The following SLC24A2 variants were observed in gnomAD, a reference collection of about 807,000 sequenced individuals.
SLC24A2 encodes the protein sodium/potassium/calcium exchanger 2.
Under a neutral mutation model 62.0 loss-of-function variants are expected in SLC24A2, and 36 were observed. The observed-to-expected ratio is 0.58, with a 90% CI of 0.44 to 0.77. The LOEUF (loss-of-function observed/expected upper bound fraction) is 0.77, where lower values mean the gene tolerates loss of function less well. Ranked by LOEUF, SLC24A2 falls within the 30% of genes least tolerant of loss-of-function variation. SLC24A2 has a pLI of 0.00. For missense variants in SLC24A2, 846 were observed against 817.9 expected (o/e 1.03, Z -0.42); for synonymous variants, 358 against 294.0 (o/e 1.22, Z -2.23).
At chr9:20,285,427 G>C in the SLC24A2 span, among the ~76,000 whole-genome samples, 2 of 152,334 alleles carry the variant, frequency 1.3e-5, no homozygotes, top group South Asian at 2.1e-4. Flanking sequence ...TGAAGGCCTA[G>C]AACCAGGATG....
intron 7 of SLC24A2, among the ~76,000 whole-genome samples, chr9:19,570,997 G>A (rs1029449261): frequency 2.0e-5 from 3 of 152,220 alleles, no homozygotes; most frequent in African/African-American, 7.2e-5. Context: ...TCTGCTCAGA[G>A]AGGGGTCATC....
intron 2 of SLC24A2, among the ~76,000 whole-genome samples, chr9:19,752,498 A>G (rs1822013960): frequency 8.3e-6 from 1 of 119,808 alleles, no homozygotes; most frequent in Non-Finnish European, 2.0e-5. Context: ...GCCATTTAAC[A>G]CAGACCATGC....
At chr9:19,562,021 T>C (rs1050582696) in intron 7 of SLC24A2, among the ~76,000 whole-genome samples, 28 of 152,200 alleles carry the variant, frequency 1.8e-4, no homozygotes, top group Non-Finnish European at 8.8e-5. Flanking sequence ...CATTCTGTAA[T>C]CCTGCAAAAT....
At position 19,563,796 on chromosome 9, in the gene SLC24A2, CCCTT is replaced by C. The variant is rs1181236935; in HGVS notation, c.1347+9551_1347+9554del. Among the ~76,000 whole-genome samples the C allele has an allele frequency of 4.1e-4, 25 of 60,812 alleles. 1 individual carries two copies. The highest frequency in any genetic ancestry group is 1.3e-3 in the African/African-American group (22 of 16,306). 39.9% of individuals were successfully genotyped at this position (60,812 alleles called of 152,430 possible). On this transcript the variant is annotated intron_variant, in intron 7 of 10. Transcript: ENST00000341998. Reference sequence around the variant, plus strand: ...ACAAAACTGTTGGTTTTTATAATGACCCTTCCTTCCTTCCTTCCTTCCTTCCTTC... The same window carrying C: ...ACAAAACTGTTGGTTTTTATAATGACCCTTCCTTCCTTCCTTCCTTCCTTC...
At chr9:19,839,061 C>A in the SLC24A2 span, among the ~76,000 whole-genome samples, 1 of 152,026 alleles carries the variant, frequency 6.6e-6, no homozygotes, top group African/African-American at 2.4e-5. Context: ...ACAAACAACA[C>A]CATCAAAAAG....
chr9:19,610,200 T>G (rs1341784434), intron 4 of SLC24A2, among the ~76,000 whole-genome samples: 1 of 150,926 alleles, frequency 6.6e-6, no homozygotes, highest in Admixed American at 6.6e-5. Flanking sequence ...AATGAAAATT[T>G]GAATCTACAC....
chr9:19,884,575 A>C, the SLC24A2 span, among the ~76,000 whole-genome samples: 1 of 152,204 alleles, frequency 6.6e-6, no homozygotes, highest in African/African-American at 2.4e-5. Flanking sequence ...ATATATGTAT[A>C]TATATTCCTA....
rs1409676959 is a variant in SLC24A2, at chr9:19,507,789, C to G, written c.*8364G>C. On this transcript the variant is annotated 3_prime_UTR_variant, in exon 11 of 11. Coordinates refer to ENST00000341998, the MANE Select transcript of SLC24A2 (RefSeq NM_020344.4). The stretch of plus-strand genomic sequence containing the variant: ...TGACAGAAGTAATTTGGAAGTGCAT[C>G]CACTGGATTTTTGTAGGGATGAGGA... The G allele has an allele frequency of 6.6e-6, 1 of 152,180 alleles. No individual in the cohort carries two copies. The highest frequency in any genetic ancestry group is 1.5e-5 in the Non-Finnish European group (1 of 68,032). The allele number at this position is 152,180 out of a possible 1,614,324, so 9.4% of individuals were successfully genotyped here. A position where few individuals can be genotyped will look rare whatever the true frequency, so the allele number is the denominator to read the frequency against.
Position 19,706,192 on chromosome 9 carries a change from C to A in SLC24A2, c.930+79745G>T, listed in dbSNP as rs1311410911. On this transcript the variant is annotated intron_variant, in intron 2 of 10. Transcript: ENST00000341998. ...GATCCCTTTACCATTATGTAATGGCCTTCTTTGTCTCTTTTGATCTTTGTT... is the reference window on the plus strand; with the variant it reads ...GATCCCTTTACCATTATGTAATGGCATTCTTTGTCTCTTTTGATCTTTGTT... Among the ~76,000 whole-genome samples, 9 of 151,324 alleles carry A rather than the reference C, an allele frequency of 5.9e-5. No homozygotes were observed. The East Asian group carries it at 1.5e-3, about 26-fold the overall frequency.
chr9:20,174,542 A>T, the SLC24A2 span, among the ~76,000 whole-genome samples: 1 of 152,098 alleles, frequency 6.6e-6, no homozygotes. Flanking sequence ...TGGGCTAAGG[A>T]CATGAATAGA....
At chr9:20,130,612 T>A in the SLC24A2 span, among the ~76,000 whole-genome samples, 3 of 151,842 alleles carry the variant, frequency 2.0e-5, no homozygotes, top group Admixed American at 2.0e-4. Context: ...AAATAGGAAA[T>A]GGGAAATGAA....
the SLC24A2 span, among the ~76,000 whole-genome samples, chr9:19,907,630 C>T: frequency 6.6e-6 from 1 of 152,212 alleles, no homozygotes; most frequent in African/African-American, 2.4e-5. Flanking sequence ...TCAGCAAAGT[C>T]TCAGGATACA....
intron 4 of SLC24A2, among the ~76,000 whole-genome samples, chr9:19,614,249 C>A (rs1774340178): frequency 6.6e-6 from 1 of 152,150 alleles, no homozygotes; most frequent in Admixed American, 6.5e-5. Context: ...TTCTAGTTCC[C>A]CAAGGTTTTC....
At chr9:20,039,998 G>A in the SLC24A2 span, among the ~76,000 whole-genome samples, 1 of 152,206 alleles carries the variant, frequency 6.6e-6, no homozygotes, top group African/African-American at 2.4e-5. Context: ...CTGTGTCATT[G>A]GGTGAGTAAC....
chr9:19,552,716 CAT>C lies in SLC24A2; in HGVS notation c.1348-2450_1348-2449del, dbSNP rs565330870. Among the ~76,000 whole-genome samples, 282 of 152,290 alleles carry C rather than the reference CAT, an allele frequency of 1.9e-3. 2 individuals are homozygous for C. The highest frequency in any genetic ancestry group is 6.1e-3 in the African/African-American group (254 of 41,558). ...AACACAAAAGCAACTCTTTATGACT[CAT>C]ATCATTTTAATGACACCAACAGATG... On this transcript the variant is annotated intron_variant, in intron 7 of 10. Coordinates refer to ENST00000341998, the MANE Select transcript of SLC24A2 (RefSeq NM_020344.4).
At chr9:20,258,858 G>GTCTC in the SLC24A2 span, among the ~76,000 whole-genome samples, 1 of 96,200 alleles carries the variant, frequency 1.0e-5, no homozygotes, top group South Asian at 3.9e-4. Flanking sequence ...TCTATCTAAT[G>GTCTC]TCTATCTATC....
At chr9:20,230,024 G>T in the SLC24A2 span, among the ~76,000 whole-genome samples, 1 of 151,982 alleles carries the variant, frequency 6.6e-6, no homozygotes, top group East Asian at 1.9e-4. Flanking sequence ...GGGAATGATG[G>T]TTTCCAGTTT....
At chr9:20,088,803 T>C in the SLC24A2 span, among the ~76,000 whole-genome samples, 3 of 151,602 alleles carry the variant, frequency 2.0e-5, no homozygotes, top group African/African-American at 7.2e-5. Flanking sequence ...ACTGGTGTGT[T>C]TGGGCCAGCA....
chr9:19,650,701 A>G (rs1408294913), intron 2 of SLC24A2, among the ~76,000 whole-genome samples: 1 of 147,052 alleles, frequency 6.8e-6, no homozygotes, highest in African/African-American at 2.6e-5. Context: ...CCATCTGCAG[A>G]GAAAACAAAA....
Sources: gnomAD v4.1 joint callset for allele counts (sites outside exome capture counted in the v4.1 genomes callset) on GRCh38, gnomAD v4.1.1 for gene constraint, MANE v1.5 for transcripts, NCBI Gene and HGNC (gene_info 2026-07-23, HGNC 2026-07-21) for gene names.